GRIP1: variants seen among roughly 807,000 people sequenced by gnomAD.
The protein encoded by GRIP1 is glutamate receptor interacting protein 1.
Under a neutral mutation model 129.9 loss-of-function variants are expected in GRIP1, and 45 were observed. The observed-to-expected ratio is 0.35, with a 90% confidence interval of 0.27 to 0.44. The LOEUF is 0.44. Ranked by LOEUF, GRIP1 falls within the 20% of genes least tolerant of loss-of-function variation. GRIP1 has a pLI of 1.00. For synonymous variants in GRIP1, 530 were observed against 520.8 expected, an observed-to-expected ratio of 1.02 and a Z score of -0.24; for missense variants, 1,196 against 1,396.8, an observed-to-expected ratio of 0.86 and a Z score of 2.29.
chr12:66,948,022 G>A (rs1225464060), intron 1 of GRIP1, among the ~76,000 whole-genome samples: 3 of 152,108 alleles, frequency 2.0e-5, no homozygotes, highest in Admixed American at 6.5e-5. Context: ...TTATAAAGTG[G>A]GTTCATCTGC....
intron 1 of GRIP1, among the ~76,000 whole-genome samples, chr12:66,739,192 A>ATGAAT (rs2036708442): frequency 6.6e-6 from 1 of 152,160 alleles, no homozygotes; most frequent in African/African-American, 2.4e-5. Flanking sequence ...ATTATGATTA[A>ATGAAT]CACCTACTGA....
At chr12:66,783,724 T>C (rs1429892667) in intron 1 of GRIP1, among the ~76,000 whole-genome samples, 1 of 152,284 alleles carries the variant, frequency 6.6e-6, no homozygotes, top group East Asian at 1.9e-4. Context: ...GGTAACCACT[T>C]ATACCTTAAA....
intron 1 of GRIP1, among the ~76,000 whole-genome samples, chr12:66,693,326 G>T (rs2035042815): frequency 6.6e-6 from 1 of 152,162 alleles, no homozygotes. Context: ...TTATGGGTTT[G>T]TGGATTCTCT....
intron 1 of GRIP1, among the ~76,000 whole-genome samples, chr12:67,018,828 C>G (rs1262468334): frequency 6.6e-6 from 1 of 152,108 alleles, no homozygotes; most frequent in African/African-American, 2.4e-5. Context: ...TGACTAAAAA[C>G]AGTTGGAAAA....
At chr12:66,479,439 C>A (rs182082674) in intron 7 of GRIP1, among the ~76,000 whole-genome samples, 1 of 152,100 alleles carries the variant, frequency 6.6e-6, no homozygotes, top group African/African-American at 2.4e-5. Context: ...AGTCTACCAA[C>A]CAAAAAAAAG....
intron 1 of GRIP1, among the ~76,000 whole-genome samples, chr12:66,646,124 C>G (rs150419833): frequency 6.6e-6 from 1 of 152,138 alleles, no homozygotes; most frequent in Non-Finnish European, 1.5e-5. Context: ...AAAAAAGGTA[C>G]GTTAAGTTTT....
At chr12:66,648,460 A>G (rs1442434695) in intron 1 of GRIP1, among the ~76,000 whole-genome samples, 1 of 152,212 alleles carries the variant, frequency 6.6e-6, no homozygotes, top group Non-Finnish European at 1.5e-5. Flanking sequence ...AGCTTACGGC[A>G]GTTGTTCAAT....
At chr12:66,803,621 C>T (rs2038918024) in intron 1 of GRIP1, among the ~76,000 whole-genome samples, 1 of 152,178 alleles carries the variant, frequency 6.6e-6, no homozygotes, top group South Asian at 2.1e-4. Flanking sequence ...TCACAGATAA[C>T]TGTCTAGAAG....
intron 1 of GRIP1, among the ~76,000 whole-genome samples, chr12:66,618,914 A>G (rs1490988547): frequency 2.0e-5 from 3 of 152,136 alleles, no homozygotes; most frequent in African/African-American, 7.2e-5. Flanking sequence ...TAAAGAATAT[A>G]TTTATTTATC....
At chr12:66,542,032 CT>C in intron 2 of GRIP1, 82 bp from the exon 3 acceptor site, 1 of 1,296,908 alleles carries the variant, frequency 7.7e-7, no homozygotes, top group Non-Finnish European at 1.1e-6. Context: ...GTTCTTTCCA[CT>C]TTTTCTTTTA....
At chr12:66,355,336 C>T (rs2054434108) in intron 23 of GRIP1, among the ~76,000 whole-genome samples, 1 of 152,188 alleles carries the variant, frequency 6.6e-6, no homozygotes, top group Admixed American at 6.5e-5. Flanking sequence ...GTGAGCAAAA[C>T]ACAACCTTTA....
At position 66,438,743 on chromosome 12, in the gene GRIP1, G is replaced by A. The variant is rs888396826; in HGVS notation, c.1687+5841C>T. Among the ~76,000 whole-genome samples, 13 of 152,126 alleles carry A rather than the reference G, an allele frequency of 8.5e-5. 1 individual carries two copies. The highest frequency in any genetic ancestry group is 2.1e-4 in the South Asian group (1 of 4,812). On this transcript the variant is annotated intron_variant, in intron 13 of 24. Transcript: ENST00000359742. ...ATTCCTGACCTCAAGTAATCCACCC[G>A]CCTTGGCCTCCCAAAGTGCTGGGAT...
Position 66,347,515 on chromosome 12 carries a change from T to G in GRIP1, c.*1504A>C, listed in dbSNP as rs1477137875. 1.3e-5 allele frequency: 2 copies of G among 152,182 alleles called. No homozygotes were observed. Among genetic ancestry groups the G allele is most frequent in the Admixed American group, 6.5e-5 (1 of 15,282 alleles). 9.4% of individuals were successfully genotyped at this position (152,182 alleles called of 1,614,324 possible). A position where few individuals can be genotyped will look rare whatever the true frequency, so the allele number is the denominator to read the frequency against. ...GTTTTATTTTTTTCCATACAAATAT[T>G]TGAACAATTTTGAATTCCCCAAAAC... On this transcript the variant is annotated 3_prime_UTR_variant, in exon 25 of 25. Transcript: ENST00000359742.
intron 1 of GRIP1, among the ~76,000 whole-genome samples, chr12:66,815,858 C>CTTTCTTTCTTTCTTTCTTTCTT (rs1477155577): frequency 5.3e-5 from 3 of 56,418 alleles, no homozygotes; most frequent in Admixed American, 1.8e-4. Context: ...CTTTCTTTCT[C>CTTTCTTTCTTTCTTTCTTTCTT]TCTCTCTCTC....
intron 2 of GRIP1, among the ~76,000 whole-genome samples, chr12:66,576,090 G>C (rs987147151): frequency 1.9e-4 from 29 of 152,140 alleles, no homozygotes; most frequent in African/African-American, 6.5e-4. Context: ...AGAAATCTTA[G>C]ACCTCTGGGA....
chr12:66,863,918 C>T (rs920762961), intron 1 of GRIP1, among the ~76,000 whole-genome samples: 2 of 152,068 alleles, frequency 1.3e-5, no homozygotes, highest in African/African-American at 4.8e-5. Context: ...TACTGAGAGC[C>T]CAGTAAGGCA....
intron 24 of GRIP1, among the ~76,000 whole-genome samples, chr12:66,352,102 T>C (rs1336159397): frequency 6.6e-6 from 1 of 152,206 alleles, no homozygotes; most frequent in Non-Finnish European, 1.5e-5. Flanking sequence ...GTGACAGCAT[T>C]GTTCTTGGAA....
At chr12:66,434,516 A>G (rs1284773104) in intron 13 of GRIP1, among the ~76,000 whole-genome samples, 1 of 152,222 alleles carries the variant, frequency 6.6e-6, no homozygotes, top group Non-Finnish European at 1.5e-5. Context: ...GATAGAGCAA[A>G]TTATTTCCCA....
intron 1 of GRIP1, among the ~76,000 whole-genome samples, chr12:66,950,317 C>T (rs887842226): frequency 6.6e-6 from 1 of 152,128 alleles, no homozygotes; most frequent in African/African-American, 2.4e-5. Context: ...GTACAATTTA[C>T]AATTGTAATA....
Sources: allele counts gnomAD v4.1 joint callset (sites outside exome capture counted in the v4.1 genomes callset), GRCh38; gene constraint gnomAD v4.1.1; transcripts MANE v1.5; gene names NCBI Gene and HGNC (gene_info 2026-07-23, HGNC 2026-07-21).